RORB: variants seen among roughly 807,000 people sequenced by gnomAD.
RORB encodes RAR related orphan receptor B.
A neutral mutation model predicts 59.1 loss-of-function variants in RORB; 6 were observed. The observed-to-expected ratio is 0.10, with a 90% CI of 0.06 to 0.20. The LOEUF (loss-of-function observed/expected upper bound fraction) is 0.20, where lower values mean the gene tolerates loss of function less well. Among genes scored for constraint, RORB ranks in the 10% least tolerant of loss-of-function variants. RORB has a pLI of 1.00. For missense variants in RORB, 320 were observed against 560.5 expected, an observed-to-expected ratio of 0.57 and a Z score of 4.33; for synonymous variants, 215 against 204.5, an observed-to-expected ratio of 1.05 and a Z score of -0.44.
chr9:74,681,593 G>A (rs975664924), intron 9 of RORB, among the ~76,000 whole-genome samples: 45 of 152,148 alleles, frequency 3.0e-4, no homozygotes, highest in Admixed American at 2.8e-3. Flanking sequence ...GATCCAAATC[G>A]CATAAAAGAA....
chr9:74,569,947 C>A (rs780082104), intron 1 of RORB, among the ~76,000 whole-genome samples: 2 of 151,898 alleles, frequency 1.3e-5, no homozygotes, highest in African/African-American at 2.4e-5. Flanking sequence ...TGATTAAGAT[C>A]TTTTTTATTT....
intron 1 of RORB, among the ~76,000 whole-genome samples, chr9:74,579,001 A>T (rs1168575206): frequency 6.6e-6 from 1 of 152,154 alleles, no homozygotes; most frequent in African/African-American, 2.4e-5. Flanking sequence ...ATATATGAGT[A>T]GATGAATGTC....
chr9:74,570,778 T>A (rs992269953), intron 1 of RORB, among the ~76,000 whole-genome samples: 4 of 152,110 alleles, frequency 2.6e-5, no homozygotes, highest in African/African-American at 9.7e-5. Context: ...AAAATAGTGT[T>A]CAATACATGC....
chr9:74,623,678 T>C (rs2079250312), intron 1 of RORB, among the ~76,000 whole-genome samples: 1 of 152,144 alleles, frequency 6.6e-6, no homozygotes, highest in African/African-American at 2.4e-5. Flanking sequence ...ATTCAGCTGG[T>C]CTTGAGTGAG....
At chr9:74,655,129 TA>T (rs1824059412) in intron 4 of RORB, among the ~76,000 whole-genome samples, 1 of 152,210 alleles carries the variant, frequency 6.6e-6, no homozygotes, top group South Asian at 2.1e-4. Flanking sequence ...CACATACTCT[TA>T]GTAAATTGAA....
At chr9:74,636,721 A>C (rs1386419804) in intron 3 of RORB, among the ~76,000 whole-genome samples, 1 of 152,108 alleles carries the variant, frequency 6.6e-6, no homozygotes, top group Non-Finnish European at 1.5e-5. Flanking sequence ...CCTCCTAAGC[A>C]CATCTTATGT....
chr9:74,658,024 A>G (rs866152248), intron 4 of RORB, among the ~76,000 whole-genome samples: 68 of 129,508 alleles, frequency 5.3e-4, no homozygotes, highest in East Asian at 1.0e-3. Flanking sequence ...AAAAAAAAAA[A>G]AAAAGAAAAG....
intron 1 of RORB, among the ~76,000 whole-genome samples, chr9:74,598,752 G>A (rs915806398): frequency 3.9e-5 from 6 of 152,104 alleles, no homozygotes; most frequent in African/African-American, 7.2e-5. Context: ...GTGTCACTAC[G>A]ACAGAATACC....
intron 1 of RORB, among the ~76,000 whole-genome samples, chr9:74,586,298 G>GA (rs1230210105): frequency 6.6e-5 from 10 of 151,996 alleles, no homozygotes; most frequent in Non-Finnish European, 1.3e-4. Flanking sequence ...AGGAGTTCAA[G>GA]ACCGGCCTTG....
chr9:74,501,715 T>TGG (rs34032671), intron 1 of RORB, among the ~76,000 whole-genome samples: 1 of 152,130 alleles, frequency 6.6e-6, no homozygotes, highest in Non-Finnish European at 1.5e-5. Context: ...CCCAGCATCA[T>TGG]GGGTGAGTTT....
chr9:74,692,556 T>C lies in RORB; in HGVS notation c.*6938T>C, dbSNP rs891295998. 6.6e-6 allele frequency: 1 copy of C among 152,246 alleles called. No homozygotes were observed. The allele number at this position is 152,246 out of a possible 1,614,324, so 9.4% of individuals were successfully genotyped here. A position where few individuals can be genotyped will look rare whatever the true frequency, so the allele number is the denominator to read the frequency against. On this transcript the variant is annotated 3_prime_UTR_variant, in exon 10 of 10. Transcript: ENST00000376896. ...GCTGTGCCCACTAACCTACTGCGCC[T>C]GGGGGGCAGCATGGGAGGGGTACAG...
intron 1 of RORB, among the ~76,000 whole-genome samples, chr9:74,556,973 A>G (rs934416643): frequency 6.6e-6 from 1 of 152,032 alleles, no homozygotes; most frequent in Non-Finnish European, 1.5e-5. Context: ...TGCTCTGACT[A>G]TACTATCGTA....
At chr9:74,566,654 G>T (rs1299558958) in intron 1 of RORB, among the ~76,000 whole-genome samples, 1 of 152,104 alleles carries the variant, frequency 6.6e-6, no homozygotes, top group Non-Finnish European at 1.5e-5. Context: ...AAAATTAGCT[G>T]GGTGTGGTGG....
At chr9:74,594,091 C>A (rs997893248) in intron 1 of RORB, among the ~76,000 whole-genome samples, 14 of 152,188 alleles carry the variant, frequency 9.2e-5, no homozygotes, top group African/African-American at 3.4e-4. Flanking sequence ...TTTGCAAAGG[C>A]TCCATCTATA....
At chr9:74,674,257 C>T (rs1824397321) in intron 9 of RORB, among the ~76,000 whole-genome samples, 1 of 152,130 alleles carries the variant, frequency 6.6e-6, no homozygotes, top group Admixed American at 6.6e-5. Context: ...AGCTCTTCTG[C>T]CTTCCACAAT....
At chr9:74,544,922 C>T (rs1826465108) in intron 1 of RORB, among the ~76,000 whole-genome samples, 1 of 152,150 alleles carries the variant, frequency 6.6e-6, no homozygotes, top group African/African-American at 2.4e-5. Context: ...ACTGGTCAGG[C>T]ACAAATGGGG....
chr9:74,630,696 A>G (rs1179670185), intron 2 of RORB, among the ~76,000 whole-genome samples: 1 of 152,168 alleles, frequency 6.6e-6, no homozygotes, highest in African/African-American at 2.4e-5. Flanking sequence ...TTATTACTAT[A>G]TGAAAAAACT....
At chr9:74,571,811 A>C (rs1010469642) in intron 1 of RORB, among the ~76,000 whole-genome samples, 1 of 152,156 alleles carries the variant, frequency 6.6e-6, no homozygotes, top group Non-Finnish European at 1.5e-5. Flanking sequence ...GAGGAAAGGC[A>C]AGGTTGCAAG....
intron 1 of RORB, among the ~76,000 whole-genome samples, chr9:74,622,769 C>A (rs922170256): frequency 6.6e-6 from 1 of 152,032 alleles, no homozygotes; most frequent in Non-Finnish European, 1.5e-5. Context: ...TGGTAATCCA[C>A]CCGCCTCAGC....
Sources: allele counts gnomAD v4.1 joint callset (sites outside exome capture counted in the v4.1 genomes callset), GRCh38; gene constraint gnomAD v4.1.1; transcripts MANE v1.5; gene names NCBI Gene and HGNC (gene_info 2026-07-23, HGNC 2026-07-21).